ACACB: variants seen among roughly 807,000 people sequenced by gnomAD.
ACACB encodes the protein acetyl-CoA carboxylase beta.
A neutral mutation model predicts 278.8 loss-of-function variants in ACACB; 209 were observed. The ratio of observed to expected loss-of-function variants is 0.75; its 90% CI spans 0.67 to 0.84. The LOEUF (loss-of-function observed/expected upper bound fraction) is 0.84. Among genes scored for constraint, ACACB ranks in the 40% least tolerant of loss-of-function variants. The pLI is 0.00. For missense variants in ACACB, 2,850 were observed against 3,269.0 expected (o/e 0.87, Z 3.13); for synonymous variants, 1,174 against 1,285.6 (o/e 0.91, Z 1.86).
chr12:109,128,558 C>T (rs1466907524), intron 1 of ACACB, among the ~76,000 whole-genome samples: 1 of 151,962 alleles, frequency 6.6e-6, no homozygotes, highest in African/African-American at 2.4e-5. Flanking sequence ...AGGCTGGTCT[C>T]GAACTCCCGA....
At chr12:109,174,261 G>A in intron 7 of ACACB, 31 bp downstream of exon 7, 1 of 1,556,694 alleles carries the variant, frequency 6.4e-7, no homozygotes. Flanking sequence ...CTCTGGGGGA[G>A]CTTCTCAGCC....
chr12:109,187,126 G>T (rs555024341), intron 12 of ACACB, among the ~76,000 whole-genome samples: 1 of 151,678 alleles, frequency 6.6e-6, no homozygotes, highest in Admixed American at 6.6e-5. Context: ...AGTGAGGAAG[G>T]ACGAAGGGAG....
At chr12:109,164,632 C>G (rs2043838592) in intron 2 of ACACB, among the ~76,000 whole-genome samples, 1 of 152,008 alleles carries the variant, frequency 6.6e-6, no homozygotes, top group Admixed American at 6.5e-5. Context: ...GCAGCCTTGA[C>G]TTCCTGGGCT....
chr12:109,200,692 A>T lies in ACACB; in HGVS notation c.2779-875A>T, dbSNP rs1445788676. ...AAATGTGATCCCCATTTTATAAAAA[A>T]GCTGGGCCCAGGCAGGCTAAGAAAC... is the stretch of plus-strand genomic sequence containing the variant. On this transcript the variant is annotated intron_variant, in intron 18 of 52. Transcript: ENST00000338432. Among the ~76,000 whole-genome samples, 4 of 152,292 alleles carry T rather than the reference A, an allele frequency of 2.6e-5. No homozygotes were observed. In the East Asian group the frequency reaches 5.8e-4, roughly 22 times the overall value.
intron 40 of ACACB, 140 bp downstream of exon 40, chr12:109,247,843 A>G: frequency 1.5e-6 from 1 of 662,524 alleles, no homozygotes; most frequent in Non-Finnish European, 2.7e-6. Context: ...GGGGGCACTG[A>G]TGCCTTAAAC....
In ACACB at chr12:109,179,966, T is replaced by C. The variant is rs765287680; in HGVS notation, c.1697T>C (p.Val566Ala). 1.2e-6 allele frequency: 2 copies of C among 1,614,006 alleles called. No homozygotes were observed. The highest frequency in any genetic ancestry group is 2.7e-5 in the African/African-American group (2 of 75,040). ...KTVGYVSAGT[V>A]EYLYSQDGSF... is the part of the protein sequence containing the mutation. The stretch of plus-strand genomic sequence containing the variant: ...GTGGGCTATGTGAGTGCAGGGACAG[T>C]GGAATACCTCTATAGTCAGGATGGC... Residue 566 changes from valine (V) to alanine (A), a missense_variant, in exon 11 of 53, where the codon GTG becomes GCG. Around this residue, in one of 3 missense-constraint regions of ACACB, gnomAD observed 2,265 missense variants for 2,561.3 expected, o/e 0.88. Transcript: ENST00000338432.
At position 109,264,854 on chromosome 12, in the gene ACACB, G is replaced by A. The variant is rs537661141; in HGVS notation, c.6943-256G>A. Among the ~76,000 whole-genome samples the A allele has an allele frequency of 4.6e-5, 7 of 152,254 alleles. No individual in the cohort carries two copies. The East Asian group carries it at 7.7e-4, about 17-fold the overall frequency. ...CCTCACACGAGCCTGTGTTTGTGTC[G>A]GTTGAGGTAGAAGTGGGTGCCAGGT... is the stretch of plus-strand genomic sequence containing the variant. On this transcript the variant is annotated intron_variant, in intron 50 of 52. Transcript: ENST00000338432.
At chr12:109,264,470 G>T in intron 50 of ACACB, 84 bp downstream of exon 50, 26 of 1,467,088 alleles carry the variant, frequency 1.8e-5, no homozygotes, top group East Asian at 2.3e-5. Flanking sequence ...CGGGGGCGGG[G>T]AGGGCGGTGG....
chr12:109,115,279 C>T (rs966536847), upstream of ACACB, among the ~76,000 whole-genome samples: 2 of 152,132 alleles, frequency 1.3e-5, no homozygotes, highest in Non-Finnish European at 2.9e-5. Flanking sequence ...GGATTCAAAC[C>T]CACATCAGCT....
At chr12:109,264,560 G>A (rs953764290) in intron 50 of ACACB, among the ~76,000 whole-genome samples, 174 bp downstream of exon 50, 6 of 152,148 alleles carry the variant, frequency 3.9e-5, no homozygotes, top group Non-Finnish European at 7.3e-5. Flanking sequence ...AGGTGGCACT[G>A]CAGACCAGTG....
At chr12:109,161,779 T>A (rs1214100577) in intron 2 of ACACB, among the ~76,000 whole-genome samples, 1 of 151,884 alleles carries the variant, frequency 6.6e-6, no homozygotes, top group Non-Finnish European at 1.5e-5. Context: ...TACCTACATG[T>A]ATACATGGGT....
chr12:109,206,479 G>T (rs974744302), intron 19 of ACACB, among the ~76,000 whole-genome samples: 1 of 149,428 alleles, frequency 6.7e-6, no homozygotes, highest in East Asian at 1.9e-4. Context: ...ACTGTCTGGG[G>T]TGTGAAACTG....
intron 13 of ACACB, among the ~76,000 whole-genome samples, chr12:109,190,036 G>A (rs955019044): frequency 7.2e-5 from 11 of 152,108 alleles, no homozygotes; most frequent in African/African-American, 2.7e-4. Context: ...GCTTGAACCT[G>A]GGAGATGGAG....
chr12:109,147,123 A>T (rs1182297642), intron 2 of ACACB, among the ~76,000 whole-genome samples: 1 of 152,090 alleles, frequency 6.6e-6, no homozygotes, highest in Non-Finnish European at 1.5e-5. Context: ...CCTTTCTCAC[A>T]TTTAAAAAAT....
At chr12:109,247,747 A>G (rs758309788) in intron 40 of ACACB, 44 bp downstream of exon 40, 2 of 1,469,392 alleles carry the variant, frequency 1.4e-6, no homozygotes, top group Non-Finnish European at 1.9e-6. Flanking sequence ...CTCATGGTTA[A>G]TTTCAGCTGT....
Position 109,237,320 on chromosome 12 carries a change from A to G in ACACB, c.4602A>G (p.Glu1534=), listed in dbSNP as rs764661089. The G allele has an allele frequency of 1.1e-5, 17 of 1,614,216 alleles. No homozygotes were observed. The South Asian group carries it at 1.1e-4, about 10-fold the overall frequency. Residue 1534 remains glutamate (E), a synonymous_variant, in exon 34 of 53, where the codon GAA becomes GAG. Coordinates refer to ENST00000338432, the MANE Select transcript of ACACB (RefSeq NM_001093.4). ...LGAAKVKEGV[E]VTDHRFFIRA... ...CTGCCAAGGTGAAGGAAGGTGTGGA[A>G]GTGACGGACCATAGGTTCTTCATCC...
rs775631853 is a variant in ACACB, at chr12:109,260,542, C to G, written c.6559C>G (p.Gln2187Glu). The change falls in exon 48 of 53, where the codon CAG (glutamine) becomes GAG (glutamate). Residue 2187 changes from glutamine (Q) to glutamate (E), a missense_variant. Coordinates refer to ENST00000338432, the MANE Select transcript of ACACB (RefSeq NM_001093.4). Reference sequence around the variant, plus strand: ...CGTGGACGGCCTTAGACAATACAAACAGCCCATCCTGATCTATATCCCGCC... The same window carrying G: ...CGTGGACGGCCTTAGACAATACAAAGAGCCCATCCTGATCTATATCCCGCC... ...YIVDGLRQYKQPILIYIPPYA... is the reference protein window; with the variant it reads ...YIVDGLRQYKEPILIYIPPYA... The G allele has an allele frequency of 6.2e-7, 1 of 1,614,252 alleles. No homozygotes were observed. Among genetic ancestry groups the G allele is most frequent in the East Asian group, 2.2e-5 (1 of 44,892 alleles).
rs1256895390 is a variant in ACACB, at chr12:109,210,239, A to ATACACACATATCTGTG, written c.3249+887_3249+888insACACACATATCTGTGT. Among the ~76,000 whole-genome samples, 19 of 70,062 alleles carry ATACACACATATCTGTG rather than the reference A, an allele frequency of 2.7e-4. 2 individuals are homozygous for ATACACACATATCTGTG. Among genetic ancestry groups the ATACACACATATCTGTG allele is most frequent in the Non-Finnish European group, 5.1e-4 (19 of 37,568 alleles). The allele number at this position is 70,062 out of a possible 152,430, so 46.0% of individuals were successfully genotyped here. On this transcript the variant is annotated intron_variant, in intron 21 of 52. Coordinates refer to ENST00000338432, the MANE Select transcript of ACACB (RefSeq NM_001093.4). Reference sequence around the variant, plus strand: ...TACACACATGTGTGTATATGTATATATGTATATATACACACATGTGTGTAT... The same window carrying ATACACACATATCTGTG: ...TACACACATGTGTGTATATGTATATATACACACATATCTGTGTGTATATATACACACATGTGTGTAT...
intron 9 of ACACB, among the ~76,000 whole-genome samples, chr12:109,178,146 A>G (rs2044338375): frequency 6.6e-6 from 1 of 152,244 alleles, no homozygotes; most frequent in Admixed American, 6.5e-5. Flanking sequence ...GTCACTGTAT[A>G]TACTTTTACA....
Sources: allele counts gnomAD v4.1 joint callset (sites outside exome capture counted in the v4.1 genomes callset), GRCh38; gene constraint gnomAD v4.1.1; regional missense constraint gnomAD v4.1.1; transcripts MANE v1.5; gene names NCBI Gene and HGNC (gene_info 2026-07-23, HGNC 2026-07-21).